Variants in MANBAL observed in about 807,000 individuals in gnomAD.
MANBAL encodes the protein mannosidase beta like.
MANBAL carries 1 observed loss-of-function variant against 6.4 expected under a neutral mutation model. That is an observed-to-expected ratio of 0.16 (90% CI 0.06 to 0.74). MANBAL has a LOEUF of 0.74. MANBAL is among the 30% of genes least tolerant of loss of function. The pLI is 0.78. For missense variants in MANBAL, 100 were observed against 107.8 expected, an observed-to-expected ratio of 0.93 and a Z score of 0.32; for synonymous variants, 47 against 45.8, an observed-to-expected ratio of 1.03 and a Z score of -0.10.
Position 37,305,017 on chromosome 20 carries a change from A to G in MANBAL, c.150+3604A>G, listed in dbSNP as rs544287277. 3.8e-4 allele frequency among the ~76,000 whole-genome samples: 58 copies of G among 152,228 alleles called. 1 individual carries two copies. The highest frequency in any genetic ancestry group is 1.4e-3 in the African/African-American group (57 of 41,532). On this transcript the variant is annotated intron_variant, in intron 2 of 2. Coordinates refer to ENST00000373606, the MANE Select transcript of MANBAL (RefSeq NM_001003897.2). Reference sequence around the variant, plus strand: ...GCATAGAGGGCACAGGCAGGGGAGGAGCAGCCAGCAAGGGTGGGAAAACCT... The same window carrying G: ...GCATAGAGGGCACAGGCAGGGGAGGGGCAGCCAGCAAGGGTGGGAAAACCT...
At chr20:37,304,923 A>G (rs1468741675) in intron 2 of MANBAL, among the ~76,000 whole-genome samples, 1 of 152,170 alleles carries the variant, frequency 6.6e-6, no homozygotes, top group African/African-American at 2.4e-5. Flanking sequence ...GGCAGGGGAC[A>G]GGGTCTCCTA....
intron 2 of MANBAL, among the ~76,000 whole-genome samples, chr20:37,302,479 T>C (rs911808829): frequency 4.6e-5 from 7 of 152,226 alleles, no homozygotes; most frequent in Non-Finnish European, 8.8e-5. Flanking sequence ...CGGTCAGTCT[T>C]TCACCTAAGC....
chr20:37,306,104 G>T (rs1212056360), intron 2 of MANBAL, among the ~76,000 whole-genome samples: 1 of 152,108 alleles, frequency 6.6e-6, no homozygotes, highest in African/African-American at 2.4e-5. Context: ...GAAGTGGAGG[G>T]TGGCAGGAGG....
At chr20:37,292,876 G>A (rs370676514) in intron 1 of MANBAL, among the ~76,000 whole-genome samples, 1 of 152,166 alleles carries the variant, frequency 6.6e-6, no homozygotes, top group East Asian at 1.9e-4. Context: ...TTGGAGAATG[G>A]CCCAGAAAAC....
At chr20:37,311,372 G>T (rs1031322249) in intron 2 of MANBAL, among the ~76,000 whole-genome samples, 2 of 152,224 alleles carry the variant, frequency 1.3e-5, no homozygotes, top group African/African-American at 4.8e-5. Flanking sequence ...TGGAGCCCCT[G>T]CTGGGTGTCT....
Position 37,316,339 on chromosome 20 carries a change from A to T in MANBAL, c.182A>T (p.Glu61Val), listed in dbSNP as rs1165853589. The T allele has an allele frequency of 6.2e-7, 1 of 1,613,844 alleles. No individual in the cohort carries two copies. Among genetic ancestry groups the T allele is most frequent in the African/African-American group, 1.3e-5 (1 of 75,034 alleles). The change falls in exon 3 of 3, where the codon GAG becomes GTG. Residue 61 changes from glutamate (E) to valine (V), a missense_variant. Glu to Val is a moderately radical substitution (Grantham distance 121). Coordinates refer to ENST00000373606, the MANE Select transcript of MANBAL (RefSeq NM_001003897.2). The stretch of plus-strand genomic sequence containing the variant: ...GAACCGTCTGAGCCCAGAAGTGCTG[A>T]GGTGACGAGGAAGCCCAAGGCTGCT... ...EAEPSEPRSA[E>V]VTRKPKAAVP...
At chr20:37,298,649 C>T (rs936339757) in intron 1 of MANBAL, 1 of 152,094 alleles carries the variant, frequency 6.6e-6, no homozygotes, top group Non-Finnish European at 1.5e-5. Flanking sequence ...ATCCATTCAT[C>T]TGTTTATGGA....
intron 2 of MANBAL, chr20:37,302,472 T>C (rs1196662935): frequency 3.1e-6 from 3 of 977,770 alleles, no homozygotes; most frequent in Admixed American, 5.6e-5. Context: ...AAAAATCCGG[T>C]CAGTCTTTCA....
intron 1 of MANBAL, among the ~76,000 whole-genome samples, chr20:37,291,310 T>G (rs1475764051): frequency 6.6e-6 from 1 of 152,238 alleles, no homozygotes; most frequent in African/African-American, 2.4e-5. Flanking sequence ...GAACCAATAT[T>G]GATACATTAT....
At chr20:37,298,805 T>C (rs1352626577) in intron 1 of MANBAL, 3 of 152,028 alleles carry the variant, frequency 2.0e-5, no homozygotes, top group Non-Finnish European at 1.5e-5. Context: ...TCACGACTCA[T>C]TGGCTCACTG....
chr20:37,293,610 C>T (rs1403014471), intron 1 of MANBAL, among the ~76,000 whole-genome samples: 2 of 152,194 alleles, frequency 1.3e-5, no homozygotes, highest in Non-Finnish European at 2.9e-5. Flanking sequence ...GACCTGTGTT[C>T]TAGCTTCCTT....
chr20:37,290,441 CT>C lies in MANBAL; in HGVS notation c.-57+768del, dbSNP rs35253533. Among the ~76,000 whole-genome samples, 1,094 of 144,478 alleles carry C rather than the reference CT, an allele frequency of 7.6e-3. 5 individuals carry two copies. Among genetic ancestry groups the C allele is most frequent in the African/African-American group, 0.018 (715 of 39,328 alleles). 94.8% of individuals were successfully genotyped at this position (144,478 alleles called of 152,430 possible). A position where few individuals can be genotyped will look rare whatever the true frequency, so the allele number is the denominator to read the frequency against. On this transcript the variant is annotated intron_variant, in intron 1 of 2. Transcript: ENST00000373606. ...TAAAGCGGTAACTTCTTTTTCTTTCCTTTTTTTTTTTTTAAAGCCATTCTAT... is the reference window on the plus strand; with the variant it reads ...TAAAGCGGTAACTTCTTTTTCTTTCCTTTTTTTTTTTTAAAGCCATTCTAT...
chr20:37,307,536 C>G (rs2069285043), intron 2 of MANBAL, among the ~76,000 whole-genome samples: 1 of 152,094 alleles, frequency 6.6e-6, no homozygotes, highest in African/African-American at 2.4e-5. Flanking sequence ...GTGGGCGGAT[C>G]ACTTGAGGTC....
intron 1 of MANBAL, among the ~76,000 whole-genome samples, chr20:37,291,608 A>G (rs2068871345): frequency 6.6e-6 from 1 of 152,132 alleles, no homozygotes; most frequent in South Asian, 2.1e-4. Flanking sequence ...AGGACCACTG[A>G]TAGGGTTCGG....
At chr20:37,300,764 A>G (rs1475216702) in intron 1 of MANBAL, among the ~76,000 whole-genome samples, 2 of 152,234 alleles carry the variant, frequency 1.3e-5, no homozygotes, top group African/African-American at 2.4e-5. Flanking sequence ...GACTGACCAT[A>G]TGTTCCCAAC....
At chr20:37,299,091 G>A (rs933038498) in intron 1 of MANBAL, among the ~76,000 whole-genome samples, 1 of 142,130 alleles carries the variant, frequency 7.0e-6, no homozygotes, top group African/African-American at 2.6e-5. Flanking sequence ...TGGGGGCAGG[G>A]TCGGGTGGGG....
At chr20:37,309,692 C>A (rs1156973514) in intron 2 of MANBAL, among the ~76,000 whole-genome samples, 1 of 152,166 alleles carries the variant, frequency 6.6e-6, no homozygotes, top group Non-Finnish European at 1.5e-5. Context: ...GTGGCTCATT[C>A]CTGTGGTGCA....
chr20:37,301,032 A>G (rs1251833249), intron 1 of MANBAL, 176 bp from the exon 2 acceptor site: 1 of 233,744 alleles, frequency 4.3e-6, no homozygotes, highest in African/African-American at 2.3e-5. Flanking sequence ...AATCCCAGCT[A>G]CTCGGGAGGC....
chr20:37,302,513 G>A (rs1408343127), intron 2 of MANBAL, among the ~76,000 whole-genome samples: 1 of 152,138 alleles, frequency 6.6e-6, no homozygotes, highest in African/African-American at 2.4e-5. Flanking sequence ...ATTGATGGTC[G>A]TTGCTTAGAT....
Sources: allele counts gnomAD v4.1 joint callset (sites outside exome capture counted in the v4.1 genomes callset), GRCh38; gene constraint gnomAD v4.1.1; transcripts MANE v1.5; gene names NCBI Gene and HGNC (gene_info 2026-07-23, HGNC 2026-07-21).